The following SNURF variants were observed in gnomAD, a reference collection of about 807,000 sequenced individuals.
SNURF encodes the protein SNURF protein.
Under a neutral mutation model 11.6 loss-of-function variants are expected in SNURF, and 6 were observed. That is an observed-to-expected ratio of 0.52 (90% confidence interval 0.28 to 1.02). The LOEUF is 1.02. Ranked by LOEUF, SNURF falls within the 50% of genes least tolerant of loss-of-function variation. The probability of loss-of-function intolerance (pLI) is 0.09; values close to 1 mark genes in which losing one functional copy is unlikely to be tolerated. For synonymous variants in SNURF, 29 were observed against 31.6 expected (o/e 0.92, Z 0.27); for missense variants, 84 against 88.4 (o/e 0.95, Z 0.20).
intron 2 of SNURF, among the ~76,000 whole-genome samples, chr15:24,965,779 TCA>T (rs1354409683): frequency 6.6e-6 from 1 of 152,202 alleles, no homozygotes; most frequent in Non-Finnish European, 1.5e-5. Context: ...CCTCATTTTC[TCA>T]GTCTTTAATC....
chr15:24,973,672 T>C (rs551762488), downstream of SNURF, among the ~76,000 whole-genome samples: 5 of 152,332 alleles, frequency 3.3e-5, no homozygotes, highest in South Asian at 1.0e-3. Context: ...GGTGCTGGGA[T>C]TACAGGCGTG....
chr15:24,956,740 G>C (rs1271468058), intron 1 of SNURF, among the ~76,000 whole-genome samples: 1 of 152,212 alleles, frequency 6.6e-6, no homozygotes, highest in Non-Finnish European at 1.5e-5. Context: ...GCTCCGCCTA[G>C]CAAGCTTGGC....
At chr15:24,966,171 C>G (rs2075598442) in intron 2 of SNURF, among the ~76,000 whole-genome samples, 1 of 152,188 alleles carries the variant, frequency 6.6e-6, no homozygotes, top group South Asian at 2.1e-4. Context: ...AGGGCACCCA[C>G]ACTTCCGACC....
chr15:24,976,231 G>C, intron 4 of SNURF: 2 of 1,125,546 alleles, frequency 1.8e-6, no homozygotes, highest in Non-Finnish European at 2.7e-6. Flanking sequence ...ATTGATACTT[G>C]AGGTTGTATA....
chr15:24,957,617 G>C (rs895394808), intron 1 of SNURF, among the ~76,000 whole-genome samples: 1 of 152,070 alleles, frequency 6.6e-6, no homozygotes, highest in Non-Finnish European at 1.5e-5. Flanking sequence ...GCACTGAGTT[G>C]TAATTAACAG....
At chr15:24,966,194 AT>A (rs1034596237) in intron 2 of SNURF, among the ~76,000 whole-genome samples, 2 of 152,168 alleles carry the variant, frequency 1.3e-5, no homozygotes, top group African/African-American at 4.8e-5. Context: ...CAGTCTATAG[AT>A]TCTGAGGTCC....
chr15:24,967,872 T>C, intron 2 of SNURF, 60 bp from the exon 3 acceptor site: 3 of 1,424,452 alleles, frequency 2.1e-6, no homozygotes, highest in Non-Finnish European at 3.0e-6. Flanking sequence ...TTCTTTCATA[T>C]GGTTTCCTAT....
chr15:24,977,646 C>A, intron 6 of SNURF: 1 of 882,946 alleles, frequency 1.1e-6, no homozygotes, highest in Non-Finnish European at 1.6e-6. Flanking sequence ...CAAAAAAAAA[C>A]ATGGGAATAA....
chr15:24,959,657 G>T (rs2074446602), intron 1 of SNURF, among the ~76,000 whole-genome samples: 1 of 152,174 alleles, frequency 6.6e-6, no homozygotes, highest in East Asian at 1.9e-4. Flanking sequence ...TTATATTAAG[G>T]TACTACATTA....
rs1032152084 is a variant in SNURF, at chr15:24,962,033, G to T, written c.15-81G>T. 3.5e-6 allele frequency: 4 copies of T among 1,147,652 alleles called. No homozygotes were observed. The African/African-American group carries it at 4.6e-5, about 13-fold the overall frequency. The allele number at this position is 1,147,652 out of a possible 1,614,324, so 71.1% of individuals were successfully genotyped here. A position where few individuals can be genotyped will look rare whatever the true frequency, so the allele number is the denominator to read the frequency against. On this transcript the variant is annotated intron_variant, in intron 1 of 2. Coordinates refer to ENST00000577949, the Ensembl canonical transcript of SNURF. ...TTAAAAATCCATTATATTAAATGTA[G>T]TTCTAAATATAACCTTGACAAATAG...
chr15:24,962,301 A>G, intron 2 of SNURF, 92 bp downstream of exon 2: 2 of 1,005,716 alleles, frequency 2.0e-6, no homozygotes, highest in Non-Finnish European at 3.1e-6. Flanking sequence ...TAAAATGAAC[A>G]TAATTGAAGA....
At chr15:24,977,893 T>C, downstream of SNURF, 1 of 1,579,612 alleles carries the variant, frequency 6.3e-7, no homozygotes, top group Admixed American at 1.9e-5. Context: ...CCCCCACCCG[T>C]CGGCAGAGCA....
At chr15:24,967,910 A>T in intron 2 of SNURF, 22 bp from the exon 3 acceptor site, 1 of 1,589,326 alleles carries the variant, frequency 6.3e-7, no homozygotes, top group South Asian at 1.1e-5. Context: ...TATCATTTAT[A>T]TATATTGTGC....
downstream of SNURF, chr15:24,977,975 A>G (rs543746860): frequency 2.1e-6 from 3 of 1,458,902 alleles, no homozygotes; most frequent in African/African-American, 4.2e-5. Flanking sequence ...TAGCTTACTG[A>G]TTTAAGACAC....
intron 2 of SNURF, among the ~76,000 whole-genome samples, chr15:24,965,592 T>A (rs950954012): frequency 5.9e-5 from 9 of 152,216 alleles, no homozygotes; most frequent in African/African-American, 1.9e-4. Flanking sequence ...ATTCTGTCTT[T>A]CAGTGTATTT....
chr15:24,964,457 TA>T (rs1234578633), intron 2 of SNURF, among the ~76,000 whole-genome samples: 3 of 152,060 alleles, frequency 2.0e-5, no homozygotes, highest in Non-Finnish European at 4.4e-5. Flanking sequence ...CATGCCTGGC[TA>T]ATTTTGTATT....
chr15:24,962,351 A>G (rs2074965231), intron 2 of SNURF, 142 bp downstream of exon 2: 3 of 732,552 alleles, frequency 4.1e-6, no homozygotes, highest in South Asian at 1.6e-5. Flanking sequence ...TAAAAAAGCA[A>G]TGAAATTCTT....
At chr15:24,975,480 C>G in exon 4 of SNURF, 1 of 1,613,976 alleles carries the variant, frequency 6.2e-7, no homozygotes, top group South Asian at 1.1e-5. Flanking sequence ...ATTTGATCCT[C>G]TGTGATTGTG....
intron 1 of SNURF, among the ~76,000 whole-genome samples, chr15:24,955,801 C>T (rs941486731): frequency 1.3e-5 from 2 of 150,182 alleles, no homozygotes; most frequent in African/African-American, 2.5e-5. Context: ...GTAGGCATGG[C>T]GGTGGTGGAC....
Sources: allele counts gnomAD v4.1 joint callset (sites outside exome capture counted in the v4.1 genomes callset), GRCh38; gene constraint gnomAD v4.1.1; transcripts MANE v1.5; gene names NCBI Gene and HGNC (gene_info 2026-07-23, HGNC 2026-07-21).